Variants in TRAM2 observed in about 807,000 individuals in gnomAD.
TRAM2 encodes translocation associated membrane protein 2.
In TRAM2, 12 loss-of-function variants were observed where a neutral mutation model predicts 51.0. The ratio of observed to expected loss-of-function variants is 0.24; its 90% CI spans 0.15 to 0.38. The LOEUF (loss-of-function observed/expected upper bound fraction) is 0.38. Ranked by LOEUF, TRAM2 falls within the 10% of genes least tolerant of loss-of-function variation. The probability of loss-of-function intolerance (pLI) is 1.00; values close to 1 mark genes in which losing one functional copy is unlikely to be tolerated. For missense variants in TRAM2, 361 were observed against 462.0 expected, an observed-to-expected ratio of 0.78 and a Z score of 2.00; for synonymous variants, 175 against 179.4, an observed-to-expected ratio of 0.98 and a Z score of 0.20.
chr6:52,569,327 T>C (rs1581704390), intron 1 of TRAM2, among the ~76,000 whole-genome samples: 2 of 148,326 alleles, frequency 1.3e-5, no homozygotes, highest in South Asian at 4.3e-4. Flanking sequence ...GAAGTGGAGG[T>C]TGCAGCAAGC....
chr6:52,502,985 G>C lies in TRAM2; in HGVS notation c.*212C>G. On this transcript the variant is annotated 3_prime_UTR_variant, in exon 11 of 11. Transcript: ENST00000182527. ...GTGGCCTGAGGGGGAGAAAGAGAAA[G>C]ATTTTTGGCTTTATTGAGAATGGTT... 1.7e-6 allele frequency: 1 copy of C among 603,120 alleles called. No homozygotes were observed. Among genetic ancestry groups the C allele is most frequent in the Non-Finnish European group, 2.9e-6 (1 of 339,730 alleles). The allele number at this position is 603,120 out of a possible 1,614,324, so 37.4% of individuals were successfully genotyped here.
chr6:52,507,480 T>TA, intron 7 of TRAM2, 73 bp downstream of exon 7: 1 of 1,472,950 alleles, frequency 6.8e-7, no homozygotes, highest in Non-Finnish European at 9.4e-7. Context: ...GCCTGATAAT[T>TA]ATATGAGTGT....
At chr6:52,546,291 T>C (rs1190602009) in intron 1 of TRAM2, among the ~76,000 whole-genome samples, 1 of 152,188 alleles carries the variant, frequency 6.6e-6, no homozygotes, top group African/African-American at 2.4e-5. Context: ...GCAGGTCCTA[T>C]GAAGGACCCT....
chr6:52,565,050 A>T (rs933644806), intron 1 of TRAM2, among the ~76,000 whole-genome samples: 2 of 152,172 alleles, frequency 1.3e-5, no homozygotes, highest in African/African-American at 4.8e-5. Flanking sequence ...GGCAGGGACG[A>T]GGCCTGAGGG....
intron 1 of TRAM2, among the ~76,000 whole-genome samples, chr6:52,575,707 A>T (rs915808064): frequency 2.0e-5 from 3 of 152,212 alleles, no homozygotes; most frequent in African/African-American, 7.2e-5. Context: ...AAATGATCAC[A>T]GCTTCCTAAC....
chr6:52,512,475 G>C (rs2114066291), intron 4 of TRAM2, among the ~76,000 whole-genome samples: 1 of 152,288 alleles, frequency 6.6e-6, no homozygotes, highest in African/African-American at 2.4e-5. Flanking sequence ...CCAGGCAGCT[G>C]TCTGAAGGAG....
chr6:52,565,553 T>C (rs954840491), intron 1 of TRAM2, among the ~76,000 whole-genome samples: 7 of 152,112 alleles, frequency 4.6e-5, no homozygotes, highest in Admixed American at 3.3e-4. Flanking sequence ...AGAAGACCCC[T>C]AGATACTAAA....
At chr6:52,539,115 T>A (rs553885683) in intron 1 of TRAM2, among the ~76,000 whole-genome samples, 1 of 152,242 alleles carries the variant, frequency 6.6e-6, no homozygotes, top group Non-Finnish European at 1.5e-5. Flanking sequence ...CACATCATAG[T>A]CATCCTACGC....
chr6:52,550,090 G>A (rs566527472), intron 1 of TRAM2, among the ~76,000 whole-genome samples: 33 of 152,220 alleles, frequency 2.2e-4, no homozygotes, highest in Non-Finnish European at 1.9e-4. Flanking sequence ...TCACCTTTAT[G>A]GAGTACTTCA....
rs115849540 is a variant in TRAM2 at position 52,497,714 on chromosome 6, C to T, written c.*5483G>A. On this transcript the variant is annotated 3_prime_UTR_variant, in exon 11 of 11. Coordinates refer to ENST00000182527, the MANE Select transcript of TRAM2 (RefSeq NM_012288.4). ...CATTTGCATTATCAGTTGCTCAGGG[C>T]ACCAGCAGCCTTAGTTCATCCTTCA... 2.0e-5 allele frequency: 3 copies of T among 152,612 alleles called. No homozygotes were observed. The East Asian group carries it at 5.8e-4, about 29-fold the overall frequency. The allele number at this position is 152,612 out of a possible 1,614,324, so 9.5% of individuals were successfully genotyped here.
intron 2 of TRAM2, among the ~76,000 whole-genome samples, chr6:52,526,197 ACACACACACACG>A (rs1766778441): frequency 7.7e-6 from 1 of 129,228 alleles, no homozygotes; most frequent in African/African-American, 3.1e-5. Context: ...ACACACACAC[ACACACACACACG>A]CCAGAGAATT....
At chr6:52,538,499 G>A (rs1562483334) in intron 1 of TRAM2, among the ~76,000 whole-genome samples, 1 of 152,196 alleles carries the variant, frequency 6.6e-6, no homozygotes, top group Non-Finnish European at 1.5e-5. Flanking sequence ...GTATGAGGAG[G>A]TGCTGCTGGC....
chr6:52,566,140 A>G (rs1160161024), intron 1 of TRAM2, among the ~76,000 whole-genome samples: 1 of 152,222 alleles, frequency 6.6e-6, no homozygotes, highest in African/African-American at 2.4e-5. Flanking sequence ...CAATGCAAGA[A>G]GGTGAAACGG....
intron 1 of TRAM2, among the ~76,000 whole-genome samples, chr6:52,542,358 G>C (rs9474241): frequency 0.01 from 1,546 of 151,874 alleles, 29 homozygotes; most frequent in African/African-American, 0.035. Flanking sequence ...CAGGTATGTG[G>C]TCGGGGTGTG....
intron 1 of TRAM2, among the ~76,000 whole-genome samples, chr6:52,552,513 G>A (rs967298895): frequency 2.6e-5 from 4 of 152,124 alleles, no homozygotes; most frequent in Non-Finnish European, 5.9e-5. Context: ...CAAACCCGAC[G>A]GGCTGCTTCC....
intron 1 of TRAM2, among the ~76,000 whole-genome samples, chr6:52,562,579 C>CT (rs1336889323): frequency 6.6e-6 from 1 of 152,118 alleles, no homozygotes; most frequent in Non-Finnish European, 1.5e-5. Flanking sequence ...TTAAATTATA[C>CT]TTTAAGTTCT....
rs1157155890 is a variant in TRAM2 at position 52,499,945 on chromosome 6, T to A, written c.*3252A>T. 6.6e-6 allele frequency: 1 copy of A among 152,172 alleles called. No homozygotes were observed. Among genetic ancestry groups the A allele is most frequent in the African/African-American group, 2.4e-5 (1 of 41,418 alleles). 9.4% of individuals were successfully genotyped at this position (152,172 alleles called of 1,614,324 possible). On this transcript the variant is annotated 3_prime_UTR_variant, in exon 11 of 11. Coordinates refer to ENST00000182527, the MANE Select transcript of TRAM2 (RefSeq NM_012288.4). ...ACCTTCAAAAGGAACACATGCAATT[T>A]ATTAATAGTGCAGCTATCAGCGCCC... is the stretch of plus-strand genomic sequence containing the variant.
chr6:52,524,733 T>C (rs1766742745), intron 2 of TRAM2: 1 of 152,194 alleles, frequency 6.6e-6, no homozygotes, highest in Non-Finnish European at 1.5e-5. Context: ...AGTGGTGTCT[T>C]CTTCTCTACC....
At chr6:52,550,218 C>A (rs1767283500) in intron 1 of TRAM2, among the ~76,000 whole-genome samples, 1 of 152,188 alleles carries the variant, frequency 6.6e-6, no homozygotes, top group African/African-American at 2.4e-5. Flanking sequence ...AAAACTCCAG[C>A]CCCTCCCCTT....
Sources: allele counts gnomAD v4.1 joint callset (sites outside exome capture counted in the v4.1 genomes callset), GRCh38; gene constraint gnomAD v4.1.1; transcripts MANE v1.5; gene names NCBI Gene and HGNC (gene_info 2026-07-23, HGNC 2026-07-21).